The following NAV2 variants were observed in gnomAD, a reference collection of about 807,000 sequenced individuals.
NAV2 encodes neuron navigator 2.
Under a neutral mutation model 223.2 loss-of-function variants are expected in NAV2, and 54 were observed. The observed-to-expected ratio is 0.24, with a 90% CI of 0.19 to 0.30. The LOEUF (loss-of-function observed/expected upper bound fraction) is 0.30. Ranked by LOEUF, NAV2 falls within the 10% of genes least tolerant of loss-of-function variation. The pLI is 1.00. For missense variants in NAV2, 2,806 were observed against 3,147.5 expected, an observed-to-expected ratio of 0.89 and a Z score of 2.60; for synonymous variants, 1,279 against 1,239.3, an observed-to-expected ratio of 1.03 and a Z score of -0.67.
intron 1 of NAV2, among the ~76,000 whole-genome samples, chr11:19,672,854 A>G (rs2048608392): frequency 6.6e-6 from 1 of 152,180 alleles, no homozygotes; most frequent in African/African-American, 2.4e-5. Flanking sequence ...CTTCTAAGCC[A>G]GAGGATTTAG....
chr11:19,372,183 T>G (rs1848493773), intron 1 of NAV2, among the ~76,000 whole-genome samples: 1 of 152,208 alleles, frequency 6.6e-6, no homozygotes, highest in Admixed American at 6.5e-5. Flanking sequence ...ATGTTTCTCT[T>G]GGGGCAAGTC....
Position 19,984,276 on chromosome 11 carries a change from G to A in NAV2, c.2768+29G>A, listed in dbSNP as rs199714506. 1,721 of 1,612,212 alleles carry A rather than the reference G, an allele frequency of 1.1e-3. 3 individuals are homozygous for A. Among genetic ancestry groups the A allele is most frequent in the Non-Finnish European group, 1.4e-3 (1,632 of 1,179,628 alleles). On this transcript the variant is annotated intron_variant, in intron 11 of 37. Coordinates refer to ENST00000349880, the MANE Select transcript of NAV2 (RefSeq NM_145117.5). ...AGCTTGCTGCACTTGGGGCTGGTCA[G>A]ATGCAGAGGTGATCCCAGGGGGGCC...
chr11:19,762,280 T>C (rs1350533033), intron 1 of NAV2, among the ~76,000 whole-genome samples: 1 of 152,104 alleles, frequency 6.6e-6, no homozygotes, highest in Non-Finnish European at 1.5e-5. Flanking sequence ...AATCTGATCA[T>C]GTCAGACAAA....
At chr11:19,943,024 C>T (rs1372511397) in intron 8 of NAV2, among the ~76,000 whole-genome samples, 5 of 152,112 alleles carry the variant, frequency 3.3e-5, no homozygotes, top group Non-Finnish European at 5.9e-5. Flanking sequence ...GGGTTAAGAC[C>T]AGCAACAATA....
chr11:19,578,298 G>C (rs2045624773), intron 1 of NAV2, among the ~76,000 whole-genome samples: 1 of 152,256 alleles, frequency 6.6e-6, no homozygotes, highest in Non-Finnish European at 1.5e-5. Flanking sequence ...AAGGTGCTGT[G>C]AGCCAGGCCC....
intron 1 of NAV2, among the ~76,000 whole-genome samples, chr11:19,420,243 A>G (rs1850553694): frequency 6.6e-6 from 1 of 152,196 alleles, no homozygotes; most frequent in Non-Finnish European, 1.5e-5. Flanking sequence ...GGTGACTTAT[A>G]TGCACACTAG....
At chr11:19,490,066 G>A (rs911435283) in intron 1 of NAV2, among the ~76,000 whole-genome samples, 1 of 152,150 alleles carries the variant, frequency 6.6e-6, no homozygotes, top group Admixed American at 6.5e-5. Context: ...AGATGCAATA[G>A]CATTATTTCT....
intron 1 of NAV2, among the ~76,000 whole-genome samples, chr11:19,515,746 G>A (rs1368490035): frequency 6.6e-6 from 1 of 152,292 alleles, no homozygotes; most frequent in East Asian, 1.9e-4. Flanking sequence ...CAGTTACTGC[G>A]ATTCAGGAAG....
intron 1 of NAV2, among the ~76,000 whole-genome samples, chr11:19,726,644 CTTT>C (rs1565212811): frequency 6.6e-6 from 1 of 152,182 alleles, no homozygotes; most frequent in Non-Finnish European, 1.5e-5. Context: ...TTCAGATTTT[CTTT>C]TTTATTTTTC....
intron 1 of NAV2, among the ~76,000 whole-genome samples, chr11:19,616,442 T>C (rs1211920438): frequency 6.6e-6 from 1 of 152,026 alleles, no homozygotes; most frequent in Non-Finnish European, 1.5e-5. Context: ...AGGGTGTCCA[T>C]AGACACACAT....
intron 18 of NAV2, among the ~76,000 whole-genome samples, chr11:20,054,875 G>C (rs1450313928): frequency 6.6e-6 from 1 of 152,154 alleles, no homozygotes; most frequent in Non-Finnish European, 1.5e-5. Flanking sequence ...CTATATAATA[G>C]AGTAAAAGAG....
intron 32 of NAV2, among the ~76,000 whole-genome samples, chr11:20,102,220 C>T (rs2061689366): frequency 6.6e-6 from 1 of 152,150 alleles, no homozygotes; most frequent in African/African-American, 2.4e-5. Flanking sequence ...TGAAGAGGGA[C>T]TAAGAGAACT....
chr11:19,728,470 C>A (rs1028223088), intron 1 of NAV2, among the ~76,000 whole-genome samples: 2 of 152,156 alleles, frequency 1.3e-5, no homozygotes, highest in African/African-American at 4.8e-5. Context: ...AGACTAGCCC[C>A]CTCAGAGAAG....
chr11:20,044,881 T>C, intron 13 of NAV2, 87 bp from the exon 14 acceptor site: 1 of 1,115,802 alleles, frequency 9.0e-7, no homozygotes, highest in Non-Finnish European at 1.3e-6. Flanking sequence ...GTGAACCAGC[T>C]CTTCAGAGGA....
chr11:19,896,544 A>T (rs1241011017), intron 6 of NAV2, among the ~76,000 whole-genome samples: 1 of 152,318 alleles, frequency 6.6e-6, no homozygotes, highest in South Asian at 2.1e-4. Flanking sequence ...TAGGATATGC[A>T]TAAAAATATG....
intron 1 of NAV2, among the ~76,000 whole-genome samples, chr11:19,458,816 C>T (rs1852050072): frequency 6.6e-6 from 1 of 152,264 alleles, no homozygotes; most frequent in South Asian, 2.1e-4. Flanking sequence ...AGTCATACCT[C>T]CTACCTCTCT....
At chr11:19,903,653 GA>G (rs112597308) in intron 6 of NAV2, among the ~76,000 whole-genome samples, 3,900 of 135,598 alleles carry the variant, frequency 0.029, 118 homozygotes, top group African/African-American at 0.084. Flanking sequence ...AAAAGTTTAA[GA>G]AAAAAAAAAA....
At chr11:19,653,575 C>G (rs1487289398) in intron 1 of NAV2, among the ~76,000 whole-genome samples, 2 of 152,192 alleles carry the variant, frequency 1.3e-5, no homozygotes, top group African/African-American at 4.8e-5. Flanking sequence ...AAACCTCATG[C>G]TGTTTCTGTC....
chr11:19,516,127 T>C (rs1411375884), intron 1 of NAV2, among the ~76,000 whole-genome samples: 1 of 152,238 alleles, frequency 6.6e-6, no homozygotes, highest in Non-Finnish European at 1.5e-5. Flanking sequence ...ATGTCATCAA[T>C]GTGTAGAGAT....
Sources: allele counts gnomAD v4.1 joint callset (sites outside exome capture counted in the v4.1 genomes callset), GRCh38; gene constraint gnomAD v4.1.1; transcripts MANE v1.5; gene names NCBI Gene and HGNC (gene_info 2026-07-23, HGNC 2026-07-21).